CLCA1: variants seen among roughly 807,000 people sequenced by gnomAD.
The protein encoded by CLCA1 is chloride channel accessory 1.
A neutral mutation model predicts 85.6 loss-of-function variants in CLCA1; 59 were observed. That is an observed-to-expected ratio of 0.69 (90% CI 0.56 to 0.86). The LOEUF (loss-of-function observed/expected upper bound fraction) is 0.86, where lower values mean the gene tolerates loss of function less well. Among genes scored for constraint, CLCA1 ranks in the 40% least tolerant of loss-of-function variants. The pLI, the probability that CLCA1 is intolerant of heterozygous loss-of-function variation, is 0.00. For synonymous variants in CLCA1, 396 were observed against 398.3 expected (o/e 0.99, Z 0.07); for missense variants, 1,022 against 1,101.4 (o/e 0.93, Z 1.02).
chr1:86,490,185 T>C (rs1648096978), intron 8 of CLCA1, among the ~76,000 whole-genome samples: 1 of 152,172 alleles, frequency 6.6e-6, no homozygotes, highest in African/African-American at 2.4e-5. Flanking sequence ...GAGGGGCATG[T>C]TATTTCTCTA....
intron 8 of CLCA1, among the ~76,000 whole-genome samples, chr1:86,490,315 A>C (rs2791506): frequency 0.42 from 63,641 of 152,070 alleles, 13,900 homozygotes; most frequent in Non-Finnish European, 0.48. Context: ...GTGGGGCATC[A>C]ACAGCCTTAC....
Position 86,469,097 on chromosome 1 carries a change from T to C in CLCA1, c.126T>C (p.Asn42=), listed in dbSNP as rs1411697099. The C allele has an allele frequency of 8.7e-6, 14 of 1,610,678 alleles. No individual in the cohort carries two copies. The highest frequency in any genetic ancestry group is 6.7e-5 in the Admixed American group (4 of 59,632). ...YEGIVVAIDP[N]VPEDETLIQQ... ...GCATTGTCGTTGCAATCGACCCCAA[T>C]GTGCCAGAAGATGAAACACTCATTC... Residue 42 remains asparagine (N), a synonymous_variant, in exon 1 of 14, where the codon AAT becomes AAC. Coordinates refer to ENST00000394711, the MANE Select transcript of CLCA1 (RefSeq NM_001285.4).
At chr1:86,492,963 T>C (rs5744398) in intron 9 of CLCA1, among the ~76,000 whole-genome samples, 4,785 of 152,284 alleles carry the variant, frequency 0.031, 270 homozygotes, top group African/African-American at 0.11. Flanking sequence ...AGGGGAGATT[T>C]TTTACAACTG....
At chr1:86,469,870 T>G (rs966999199) in intron 1 of CLCA1, among the ~76,000 whole-genome samples, 4 of 152,100 alleles carry the variant, frequency 2.6e-5, no homozygotes, top group African/African-American at 9.7e-5. Flanking sequence ...AAAATGGGAA[T>G]AATAATAATA....
intron 5 of CLCA1, 48 bp from the exon 6 acceptor site, chr1:86,485,295 C>T (rs777298771): frequency 2.6e-5 from 37 of 1,410,824 alleles, no homozygotes; most frequent in Non-Finnish European, 3.4e-5. Context: ...ATTAAATATT[C>T]TACCACATAG....
chr1:86,498,932 C>A (rs759803501), intron 13 of CLCA1, 121 bp downstream of exon 13: 64 of 1,119,556 alleles, frequency 5.7e-5, no homozygotes, highest in Non-Finnish European at 7.3e-5. Flanking sequence ...AGGGATCTTG[C>A]CGGTCCTTTG....
chr1:86,471,859 A>G (rs920339365), intron 1 of CLCA1, among the ~76,000 whole-genome samples: 1 of 152,104 alleles, frequency 6.6e-6, no homozygotes, highest in African/African-American at 2.4e-5. Flanking sequence ...AGGAAGAGGC[A>G]CAGCAGGACT....
Position 86,486,676 on chromosome 1 carries a change from G to A in CLCA1, c.1105G>A (p.Asp369Asn), listed in dbSNP as rs753510323. The change falls in exon 7 of 14, where the codon GAC becomes AAC. Residue 369 changes from aspartate to asparagine, a missense_variant. By Grantham distance (23) the Asp-to-Asn change is conservative. Transcript: ENST00000394711. Reference protein sequence around the residue: ...LIQINSGSDRDTLAKRLPAAA... With the variant: ...LIQINSGSDRNTLAKRLPAAA... ...ACAGATAAACAGTGGCAGTGACAGG[G>A]ACACACTCGCCAAAAGATTACCTGC... 55 of 1,614,060 alleles carry A rather than the reference G, an allele frequency of 3.4e-5. No homozygotes were observed. Among genetic ancestry groups the A allele is most frequent in the Non-Finnish European group, 4.3e-5 (51 of 1,180,042 alleles).
chr1:86,478,439 A>AAG (rs953160127), intron 4 of CLCA1, among the ~76,000 whole-genome samples: 7 of 151,704 alleles, frequency 4.6e-5, no homozygotes, highest in African/African-American at 1.5e-4. Context: ...CGAAAAAAAA[A>AAG]AGAGAGAGAG....
At chr1:86,478,284 A>T (rs1197931988) in intron 4 of CLCA1, among the ~76,000 whole-genome samples, 1 of 152,088 alleles carries the variant, frequency 6.6e-6, no homozygotes, top group African/African-American at 2.4e-5. Flanking sequence ...AAAATTGGCC[A>T]TGTGTGATGG....
intron 1 of CLCA1, among the ~76,000 whole-genome samples, chr1:86,471,869 T>C (rs1647507267): frequency 6.6e-6 from 1 of 152,070 alleles, no homozygotes; most frequent in Admixed American, 6.5e-5. Flanking sequence ...ACAGCAGGAC[T>C]TACCCGTGCA....
chr1:86,486,694 T>C lies in CLCA1; in HGVS notation c.1123T>C (p.Leu375=), dbSNP rs200267383. The change falls in exon 7 of 14, where the codon TTA becomes CTA. Residue 375 remains leucine (L), a synonymous_variant. Coordinates refer to ENST00000394711, the MANE Select transcript of CLCA1 (RefSeq NM_001285.4). ...GSDRDTLAKR[L]PAAASGGTSI... The stretch of plus-strand genomic sequence containing the variant: ...TGACAGGGACACACTCGCCAAAAGA[T>C]TACCTGCAGCAGCTTCAGGAGGGAC... 1.2e-6 allele frequency: 2 copies of C among 1,614,184 alleles called. No homozygotes were observed. The highest frequency in any genetic ancestry group is 2.7e-5 in the African/African-American group (2 of 75,028).
chr1:86,493,627 A>G (rs1365334176), intron 10 of CLCA1, 28 bp downstream of exon 10: 3 of 1,496,474 alleles, frequency 2.0e-6, no homozygotes, highest in Non-Finnish European at 1.9e-6. Flanking sequence ...TTTCTTTCTC[A>G]TAATTCAACA....
At chr1:86,473,368 T>G (rs2101727781) in intron 1 of CLCA1, 49 bp from the exon 2 acceptor site, 1 of 1,350,984 alleles carries the variant, frequency 7.4e-7, no homozygotes, top group East Asian at 2.4e-5. Flanking sequence ...GACTGATAAT[T>G]TAATTTATTT....
intron 5 of CLCA1, 59 bp from the exon 6 acceptor site, chr1:86,485,284 T>C: frequency 7.4e-7 from 1 of 1,351,084 alleles, no homozygotes; most frequent in African/African-American, 1.5e-5. Context: ...TCTAACAAAT[T>C]ATTAAATATT....
Position 86,499,813 on chromosome 1 carries a change from C to T in CLCA1, c.2513C>T (p.Thr838Ile). The T allele has an allele frequency of 2.5e-6, 4 of 1,613,624 alleles. No individual in the cohort carries two copies. Among genetic ancestry groups the T allele is most frequent in the South Asian group, 1.1e-5 (1 of 91,074 alleles). ...GAAAACATTACTTTTGAAAATGGCACAGATCTTTTCATTGCTATTCAGGCT... is the reference window on the plus strand; with the variant it reads ...GAAAACATTACTTTTGAAAATGGCATAGATCTTTTCATTGCTATTCAGGCT... ...KPENITFENGTDLFIAIQAVD... is the reference protein window; with the variant it reads ...KPENITFENGIDLFIAIQAVD... Residue 838 changes from threonine to isoleucine, a missense_variant, in exon 14 of 14, where the codon ACA (threonine) becomes ATA (isoleucine). Thr to Ile is a moderately conservative substitution (Grantham distance 89, BLOSUM62 -1). Transcript: ENST00000394711.
At chr1:86,471,952 T>C (rs773606206) in intron 1 of CLCA1, among the ~76,000 whole-genome samples, 1 of 152,074 alleles carries the variant, frequency 6.6e-6, no homozygotes, top group Non-Finnish European at 1.5e-5. Context: ...CACTAGGCAA[T>C]GGAGTCTAGT....
chr1:86,489,530 G>A (rs986513185), intron 8 of CLCA1, among the ~76,000 whole-genome samples: 12 of 152,156 alleles, frequency 7.9e-5, no homozygotes, highest in African/African-American at 2.9e-4. Flanking sequence ...TGCTATATTA[G>A]CAACAGAAAG....
Position 86,495,586 on chromosome 1 carries a change from T to C in CLCA1, c.2024T>C (p.Val675Ala). 6.2e-7 allele frequency: 1 copy of C among 1,614,076 alleles called. No individual in the cohort carries two copies. The highest frequency in any genetic ancestry group is 1.1e-5 in the South Asian group (1 of 91,074). ...YDTNGRYSVK[V>A]RALGGVNAAR... is the part of the protein sequence containing the mutation. ...ACGAATGGTAGATACAGTGTAAAAGTGCGGGCTCTGGGAGGAGTTAACGCA... is the reference window on the plus strand; with the variant it reads ...ACGAATGGTAGATACAGTGTAAAAGCGCGGGCTCTGGGAGGAGTTAACGCA... Residue 675 changes from valine (V) to alanine (A), a missense_variant, in exon 12 of 14, where the codon GTG becomes GCG. By Grantham distance (64) the Val-to-Ala change is moderately conservative. Transcript: ENST00000394711.
Sources: allele counts gnomAD v4.1 joint callset (sites outside exome capture counted in the v4.1 genomes callset), GRCh38; gene constraint gnomAD v4.1.1; transcripts MANE v1.5; gene names NCBI Gene and HGNC (gene_info 2026-07-23, HGNC 2026-07-21).